VRK1: variants seen among roughly 807,000 people sequenced by gnomAD.
VRK1 encodes VRK serine/threonine kinase 1.
A neutral mutation model predicts 57.1 loss-of-function variants in VRK1; 33 were observed. That is an observed-to-expected ratio of 0.58 (90% CI 0.44 to 0.77). The LOEUF is 0.77. Among genes scored for constraint, VRK1 ranks in the 30% least tolerant of loss-of-function variants. The pLI is 0.00. For missense variants in VRK1, 413 were observed against 477.3 expected, an observed-to-expected ratio of 0.87 and a Z score of 1.25; for synonymous variants, 137 against 147.8, an observed-to-expected ratio of 0.93 and a Z score of 0.53.
At chr14:96,800,626 A>G (rs983043565) in intron 1 of VRK1, among the ~76,000 whole-genome samples, 14 of 152,126 alleles carry the variant, frequency 9.2e-5, no homozygotes, top group Admixed American at 8.5e-4. Context: ...TGTGAATCAC[A>G]TTTATTTAGT....
chr14:96,852,927 A>G lies in VRK1; in HGVS notation c.471A>G (p.Leu157=). 6.2e-7 allele frequency: 1 copy of G among 1,613,756 alleles called. No individual in the cohort carries two copies. The highest frequency in any genetic ancestry group is 1.7e-4 in the Middle Eastern group (1 of 6,058). Residue 157 remains leucine (L), a synonymous_variant, in exon 6 of 13, where the codon CTA becomes CTG. Coordinates refer to ENST00000216639, the MANE Select transcript of VRK1 (RefSeq NM_003384.3). ...TTTCTCGGAAAACTGTCTTGCAGCT[A>G]AGCTTAAGAATTGTATGTGAGCTAT... The part of the protein sequence containing the change: ...KRFSRKTVLQ[L]SLRILDILEY...
intron 2 of VRK1, among the ~76,000 whole-genome samples, chr14:96,834,141 T>C (rs959384982): frequency 7.2e-5 from 11 of 152,178 alleles, no homozygotes; most frequent in African/African-American, 2.7e-4. Flanking sequence ...CTGAAATTTT[T>C]GGGGACCCGT....
chr14:96,823,122 A>G (rs950856739), intron 1 of VRK1, among the ~76,000 whole-genome samples: 3 of 152,022 alleles, frequency 2.0e-5, no homozygotes, highest in Non-Finnish European at 4.4e-5. Flanking sequence ...TTCCCCTTCT[A>G]CCTTCTACTC....
At chr14:96,830,058 C>A (rs889589129) in intron 1 of VRK1, among the ~76,000 whole-genome samples, 4 of 133,184 alleles carry the variant, frequency 3.0e-5, no homozygotes, top group Non-Finnish European at 7.0e-5. Flanking sequence ...CTTTTTTTCC[C>A]CTGGCATAAA....
At chr14:96,822,860 C>G (rs1158765669) in intron 1 of VRK1, among the ~76,000 whole-genome samples, 1 of 152,162 alleles carries the variant, frequency 6.6e-6, no homozygotes, top group Non-Finnish European at 1.5e-5. Context: ...ATCTCTTGCT[C>G]CTGTGCTAAC....
At chr14:96,799,652 T>C (rs942749548) in intron 1 of VRK1, among the ~76,000 whole-genome samples, 1 of 152,256 alleles carries the variant, frequency 6.6e-6, no homozygotes, top group Non-Finnish European at 1.5e-5. Context: ...GCAGTGAGCC[T>C]AATGGGAATT....
In VRK1 at chr14:96,881,171, T is replaced by C; in HGVS notation, c.1160-6T>C. 1 of 1,603,468 alleles carries C rather than the reference T, an allele frequency of 6.2e-7. No homozygotes were observed. Among genetic ancestry groups the C allele is most frequent in the Non-Finnish European group, 8.5e-7 (1 of 1,174,350 alleles). On this transcript the variant is annotated splice_region_variant and splice_polypyrimidine_tract_variant and intron_variant, in intron 12 of 12. Coordinates refer to ENST00000216639, the MANE Select transcript of VRK1 (RefSeq NM_003384.3). ...GTGATTTCAGTTTCTTTGATTTTTC[T>C]TCAAGGTTCAAGAACCAGAAAGAGA...
At chr14:96,833,954 A>T (rs1260487612) in intron 2 of VRK1, among the ~76,000 whole-genome samples, 1 of 152,130 alleles carries the variant, frequency 6.6e-6, no homozygotes, top group Non-Finnish European at 1.5e-5. Context: ...ACCTCCACCT[A>T]TGTGGGATTT....
chr14:96,862,764 A>G (rs1461613492), intron 11 of VRK1, among the ~76,000 whole-genome samples: 2 of 152,124 alleles, frequency 1.3e-5, no homozygotes, highest in African/African-American at 2.4e-5. Flanking sequence ...TCTGGATGTC[A>G]GGAGGCTCAA....
At chr14:96,833,325 G>T (rs1887084209) in intron 1 of VRK1, 142 bp from the exon 2 acceptor site, 3 of 860,426 alleles carry the variant, frequency 3.5e-6, no homozygotes, top group South Asian at 3.5e-5. Context: ...GCCATTATAA[G>T]TCAGAATTAA....
chr14:96,844,523 T>C (rs1238550151), intron 3 of VRK1, among the ~76,000 whole-genome samples: 2 of 152,174 alleles, frequency 1.3e-5, no homozygotes, highest in African/African-American at 4.8e-5. Context: ...GCAGATTGGC[T>C]AATCCGTTTT....
chr14:96,808,344 C>T (rs1885999268), intron 1 of VRK1, among the ~76,000 whole-genome samples: 1 of 152,110 alleles, frequency 6.6e-6, no homozygotes, highest in African/African-American at 2.4e-5. Context: ...TGGAAGTCAT[C>T]CTTTATTTCT....
chr14:96,834,148 C>T (rs923640572), intron 2 of VRK1, among the ~76,000 whole-genome samples: 4 of 151,908 alleles, frequency 2.6e-5, no homozygotes, highest in Non-Finnish European at 4.4e-5. Flanking sequence ...TTTTGGGGAC[C>T]CGTTGTGGAA....
rs752906377 is a variant in VRK1, at chr14:96,860,658, A to G, written c.991A>G (p.Ile331Val). ...CATTCTTTTGCAAGGACTAAAAGCTATAGGAAGTAAGGATGATGGCAAATT... is the reference window on the plus strand; with the variant it reads ...CATTCTTTTGCAAGGACTAAAAGCTGTAGGAAGTAAGGATGATGGCAAATT... ...RDILLQGLKA[I>V]GSKDDGKLDL... Residue 331 changes from isoleucine (I) to valine (V), a missense_variant, in exon 11 of 13, where the codon ATA becomes GTA. Ile to Val is a conservative substitution (Grantham distance 29). This residue lies in a region of VRK1 where 146 missense variants were observed against 138.2 expected (regional missense o/e 1.06). Coordinates refer to ENST00000216639, the MANE Select transcript of VRK1 (RefSeq NM_003384.3). 5 of 1,613,422 alleles carry G rather than the reference A, an allele frequency of 3.1e-6. No homozygotes were observed. Among genetic ancestry groups the G allele is most frequent in the South Asian group, 1.1e-5 (1 of 91,064 alleles).
intron 5 of VRK1, among the ~76,000 whole-genome samples, chr14:96,850,223 A>G (rs1887894090): frequency 6.6e-6 from 1 of 152,236 alleles, no homozygotes; most frequent in Admixed American, 6.5e-5. Context: ...AAAGTAGATT[A>G]TTCTTCCAGC....
intron 11 of VRK1, 67 bp downstream of exon 11, chr14:96,860,802 A>G: frequency 6.5e-7 from 1 of 1,548,174 alleles, no homozygotes; most frequent in Non-Finnish European, 8.9e-7. Context: ...TACTAAAAGA[A>G]AGTATAGCAG....
At chr14:96,797,958 G>A (rs1480281495) in intron 1 of VRK1, among the ~76,000 whole-genome samples, 1 of 152,206 alleles carries the variant, frequency 6.6e-6, no homozygotes, top group Admixed American at 6.5e-5. Flanking sequence ...ATGGGGGCGA[G>A]GCTCTTTAGG....
At chr14:96,802,675 A>G (rs768390842) in intron 1 of VRK1, among the ~76,000 whole-genome samples, 8 of 152,246 alleles carry the variant, frequency 5.3e-5, no homozygotes, top group Non-Finnish European at 1.2e-4. Context: ...ACAATGTCCT[A>G]GAATTAGACA....
At chr14:96,850,574 GT>G (rs1887908809) in intron 5 of VRK1, among the ~76,000 whole-genome samples, 1 of 152,216 alleles carries the variant, frequency 6.6e-6, no homozygotes, top group South Asian at 2.1e-4. Flanking sequence ...ATTAAGAGTA[GT>G]GGTAGGGTGA....
Sources: gnomAD v4.1 joint callset for allele counts (sites outside exome capture counted in the v4.1 genomes callset) on GRCh38, gnomAD v4.1.1 for gene constraint, gnomAD v4.1.1 regional missense constraint, MANE v1.5 for transcripts, NCBI Gene and HGNC (gene_info 2026-07-23, HGNC 2026-07-21) for gene names.